The following YEATS2 variants were observed in gnomAD, a reference collection of about 807,000 sequenced individuals.
The protein encoded by YEATS2 is YEATS domain-containing protein 2.
Under a neutral mutation model 163.2 loss-of-function variants are expected in YEATS2, and 77 were observed. That is an observed-to-expected ratio of 0.47 (90% CI 0.39 to 0.57). The LOEUF is 0.57. Ranked by LOEUF, YEATS2 falls within the 20% of genes least tolerant of loss-of-function variation. YEATS2 has a pLI of 0.00. For synonymous variants in YEATS2, 631 were observed against 645.1 expected (o/e 0.98, Z 0.33); for missense variants, 1,549 against 1,729.8 (o/e 0.90, Z 1.85).
At chr3:183,744,309 G>T (rs262968) in intron 8 of YEATS2, among the ~76,000 whole-genome samples, 60,024 of 151,160 alleles carry the variant, frequency 0.4, 12,447 homozygotes, top group Middle Eastern at 0.52. Flanking sequence ...TAGAGACGGG[G>T]TTTCATCATG....
At chr3:183,803,433 G>A in intron 26 of YEATS2, 98 bp downstream of exon 26, 1 of 1,172,692 alleles carries the variant, frequency 8.5e-7, no homozygotes, top group Non-Finnish European at 1.2e-6. Context: ...ATATTTGATG[G>A]CAGAATATTT....
In YEATS2 at chr3:183,790,843, C is replaced by T. The variant is rs377227996; in HGVS notation, c.2960C>T (p.Thr987Met). ...TCTTCATCTACGGTCAGTTCTGTAACGAAAACTTCTGGGCAGCAGCAAGTG... is the reference window on the plus strand; with the variant it reads ...TCTTCATCTACGGTCAGTTCTGTAATGAAAACTTCTGGGCAGCAGCAAGTG... The part of the protein sequence containing the change: ...PVSSSTVSSV[T>M]KTSGQQQVCV... Residue 987 changes from threonine (T) to methionine (M), a missense_variant, in exon 21 of 31, where the codon ACG (threonine) becomes ATG (methionine). Coordinates refer to ENST00000305135, the MANE Select transcript of YEATS2 (RefSeq NM_018023.5). The T allele has an allele frequency of 4.0e-5, 65 of 1,614,104 alleles. 1 individual carries two copies. Among genetic ancestry groups the T allele is most frequent in the Admixed American group, 1.3e-4 (8 of 60,004 alleles).
chr3:183,804,076 G>A lies in YEATS2; in HGVS notation c.3672G>A (p.Lys1224=). The part of the protein sequence containing the change: ...RFHHLTPLKT[K]HIAHWCRCHG... Reference sequence around the variant, plus strand: ...ACCACCTGACTCCCCTCAAAACCAAGCACATCGCTCACTGGTGCCGCTGTC... The same window carrying A: ...ACCACCTGACTCCCCTCAAAACCAAACACATCGCTCACTGGTGCCGCTGTC... Residue 1224 remains lysine, a synonymous_variant, in exon 27 of 31, where the codon AAG becomes AAA. Coordinates refer to ENST00000305135, the MANE Select transcript of YEATS2 (RefSeq NM_018023.5). 2 of 1,614,134 alleles carry A rather than the reference G, an allele frequency of 1.2e-6. No individual in the cohort carries two copies. The highest frequency in any genetic ancestry group is 1.7e-6 in the Non-Finnish European group (2 of 1,180,034).
chr3:183,736,885 T>A, intron 8 of YEATS2, 56 bp downstream of exon 8: 2 of 1,486,712 alleles, frequency 1.3e-6, no homozygotes, highest in South Asian at 2.4e-5. Flanking sequence ...CCAGCTACAA[T>A]TGATCCTTGA....
chr3:183,727,895 AATATGCC>A (rs764968235), intron 6 of YEATS2, among the ~76,000 whole-genome samples: 1 of 152,076 alleles, frequency 6.6e-6, no homozygotes, highest in Non-Finnish European at 1.5e-5. Context: ...TAGGAATAAA[AATATGCC>A]AGTTTATTTC....
At chr3:183,716,625 A>G (rs1357985375) in intron 2 of YEATS2, among the ~76,000 whole-genome samples, 1 of 152,188 alleles carries the variant, frequency 6.6e-6, no homozygotes, top group African/African-American at 2.4e-5. Context: ...TTAATTCATT[A>G]CCCAAGAGCT....
At chr3:183,720,243 G>C (rs192700566) in intron 4 of YEATS2, among the ~76,000 whole-genome samples, 1 of 152,136 alleles carries the variant, frequency 6.6e-6, no homozygotes, top group East Asian at 1.9e-4. Context: ...TTTAGTTTTT[G>C]ACATGTAAAT....
At chr3:183,799,818 T>G (rs78804148) in intron 23 of YEATS2, among the ~76,000 whole-genome samples, 1 of 116,586 alleles carries the variant, frequency 8.6e-6, no homozygotes, top group Non-Finnish European at 1.9e-5. Flanking sequence ...AGTAGCATTG[T>G]TTTTTTTTTT....
chr3:183,719,484 A>G (rs781585749), intron 4 of YEATS2, among the ~76,000 whole-genome samples: 2 of 152,202 alleles, frequency 1.3e-5, no homozygotes, highest in Non-Finnish European at 2.9e-5. Context: ...GCATTATGCT[A>G]GGCTTTGCAG....
intron 15 of YEATS2, among the ~76,000 whole-genome samples, chr3:183,766,920 C>T (rs1269373452): frequency 6.6e-6 from 1 of 151,776 alleles, no homozygotes; most frequent in Non-Finnish European, 1.5e-5. Context: ...AGCAGTCTGC[C>T]TGCCTCAGCC....
Position 183,777,612 on chromosome 3 carries a change from A to G in YEATS2, c.2648A>G (p.Gln883Arg), listed in dbSNP as rs752381174. Residue 883 changes from glutamine to arginine, a missense_variant, in exon 19 of 31, where the codon CAA becomes CGA. Gln to Arg is a conservative substitution (Grantham distance 43). Transcript: ENST00000305135. ...GKQLTTGSVV[Q>R]GTLGVSTSSA... ...CAACTCACCACTGGGTCAGTGGTCC[A>G]AGGAACACTGGGAGTCAGCACATCT... The G allele has an allele frequency of 6.2e-7, 1 of 1,614,174 alleles. No homozygotes were observed. The highest frequency in any genetic ancestry group is 8.5e-7 in the Non-Finnish European group (1 of 1,180,030).
intron 20 of YEATS2, among the ~76,000 whole-genome samples, chr3:183,789,364 T>A (rs1487714790): frequency 5.3e-5 from 8 of 151,978 alleles, no homozygotes; most frequent in Admixed American, 3.9e-4. Context: ...CAAGTCTTTA[T>A]TAAAGTCCCA....
intron 29 of YEATS2, 71 bp downstream of exon 29, chr3:183,808,175 G>A: frequency 8.2e-7 from 1 of 1,220,712 alleles, no homozygotes. Context: ...AAGGGGCAAG[G>A]ACAGAAAAGG....
intron 1 of YEATS2, among the ~76,000 whole-genome samples, chr3:183,709,051 T>C (rs905729745): frequency 2.6e-5 from 4 of 152,022 alleles, no homozygotes; most frequent in African/African-American, 9.7e-5. Context: ...TCCCAGCTAC[T>C]CAGACAGTTG....
intron 12 of YEATS2, 123 bp downstream of exon 12, chr3:183,756,812 ATAAG>A (rs1720821683): frequency 1.1e-6 from 1 of 919,544 alleles, no homozygotes; most frequent in African/African-American, 1.7e-5. Context: ...AGAAGCGAGA[ATAAG>A]TAAAAGGAAA....
chr3:183,761,456 T>C, intron 13 of YEATS2, 51 bp from the exon 14 acceptor site: 1 of 1,475,478 alleles, frequency 6.8e-7, no homozygotes, highest in Non-Finnish European at 9.5e-7. Flanking sequence ...ACTAGATATC[T>C]GAAATCACCC....
chr3:183,753,918 T>A (rs557719568), intron 10 of YEATS2, among the ~76,000 whole-genome samples: 81 of 152,296 alleles, frequency 5.3e-4, no homozygotes, highest in Non-Finnish European at 1.8e-4. Context: ...TGTTTTCAAG[T>A]TTTTTTAAAA....
chr3:183,707,678 ATTTTTTTTTTT>A (rs1176429941), intron 1 of YEATS2, among the ~76,000 whole-genome samples: 3 of 106,158 alleles, frequency 2.8e-5, no homozygotes, highest in Non-Finnish European at 5.7e-5. Flanking sequence ...TTCCCCACCT[ATTTTTTTTTTT>A]TTTTTTTTTT....
intron 13 of YEATS2, among the ~76,000 whole-genome samples, chr3:183,761,143 A>G (rs981272700): frequency 1.3e-5 from 2 of 151,808 alleles, no homozygotes; most frequent in East Asian, 3.9e-4. Context: ...GCTGGAGTGC[A>G]GTGGCGTGAT....
Sources: gnomAD v4.1 joint callset for allele counts (sites outside exome capture counted in the v4.1 genomes callset) on GRCh38, gnomAD v4.1.1 for gene constraint, MANE v1.5 for transcripts, NCBI Gene and HGNC (gene_info 2026-07-23, HGNC 2026-07-21) for gene names.